Variants in SGCZ observed in about 807,000 individuals in gnomAD.
SGCZ encodes sarcoglycan zeta, also known as zeta-sarcoglycan.
SGCZ carries 40 observed loss-of-function variants against 41.3 expected under a neutral mutation model. The observed-to-expected ratio is 0.97, with a 90% confidence interval of 0.75 to 1.26. SGCZ has a LOEUF of 1.26. Among genes scored for constraint, SGCZ ranks in the 50% most tolerant of loss-of-function variants. The probability of loss-of-function intolerance (pLI) is 0.00; values close to 1 mark genes in which losing one functional copy is unlikely to be tolerated. For missense variants in SGCZ, 552 were observed against 369.8 expected, an observed-to-expected ratio of 1.49 and a Z score of -4.04; for synonymous variants, 206 against 137.5, an observed-to-expected ratio of 1.50 and a Z score of -3.49.
At chr8:15,008,623 T>A (rs112480283) in intron 1 of SGCZ, among the ~76,000 whole-genome samples, 1 of 25,754 alleles carries the variant, frequency 3.9e-5, no homozygotes, top group Non-Finnish European at 6.8e-5. Context: ...GATGGACGGA[T>A]GGGAGGGAAG....
intron 5 of SGCZ, among the ~76,000 whole-genome samples, chr8:14,117,205 T>C (rs1802550178): frequency 6.6e-6 from 1 of 152,140 alleles, no homozygotes; most frequent in Non-Finnish European, 1.5e-5. Flanking sequence ...CCTGCTGATA[T>C]AAATGGGCCT....
At chr8:14,163,863 T>C (rs1282453993) in intron 5 of SGCZ, among the ~76,000 whole-genome samples, 2 of 152,190 alleles carry the variant, frequency 1.3e-5, no homozygotes, top group African/African-American at 4.8e-5. Context: ...TATTATTTTC[T>C]TCTTGTTTTT....
intron 1 of SGCZ, among the ~76,000 whole-genome samples, chr8:14,943,897 A>C (rs1800358957): frequency 6.6e-6 from 1 of 152,142 alleles, no homozygotes; most frequent in Non-Finnish European, 1.5e-5. Context: ...ATGTTACTGC[A>C]AAGGACGTAA....
At chr8:14,983,774 G>A (rs1801745534) in intron 1 of SGCZ, among the ~76,000 whole-genome samples, 1 of 152,100 alleles carries the variant, frequency 6.6e-6, no homozygotes, top group Non-Finnish European at 1.5e-5. Context: ...GCAAAGGAGG[G>A]TACTGGGCCC....
chr8:14,658,304 T>C (rs1807638877), intron 1 of SGCZ, among the ~76,000 whole-genome samples: 1 of 152,206 alleles, frequency 6.6e-6, no homozygotes, highest in African/African-American at 2.4e-5. Context: ...GGGATATTGC[T>C]TCACCTGGAT....
intron 2 of SGCZ, among the ~76,000 whole-genome samples, chr8:14,513,389 G>C (rs1802521102): frequency 6.6e-6 from 1 of 151,976 alleles, no homozygotes; most frequent in Admixed American, 6.6e-5. Context: ...ATACTGTTGT[G>C]TTAGAGAAAA....
chr8:14,882,836 G>T (rs1321743212), intron 1 of SGCZ, among the ~76,000 whole-genome samples: 1 of 151,790 alleles, frequency 6.6e-6, no homozygotes, highest in Admixed American at 6.6e-5. Context: ...AGCATCATTT[G>T]GATCCACTGA....
At chr8:15,215,634 C>A (rs189893105) in intron 1 of SGCZ, among the ~76,000 whole-genome samples, 2 of 152,112 alleles carry the variant, frequency 1.3e-5, no homozygotes, top group African/African-American at 4.8e-5. Context: ...GAAGTAAATA[C>A]AATCTTTCCT....
chr8:14,907,065 G>A (rs555827382), intron 1 of SGCZ, among the ~76,000 whole-genome samples: 3 of 152,252 alleles, frequency 2.0e-5, no homozygotes, highest in African/African-American at 4.8e-5. Context: ...AAAGCATGGT[G>A]CTAGTTTTAT....
intron 1 of SGCZ, among the ~76,000 whole-genome samples, chr8:14,752,996 G>C (rs375764328): frequency 2.6e-4 from 40 of 152,216 alleles, no homozygotes; most frequent in African/African-American, 9.4e-4. Flanking sequence ...CAATTGGTCT[G>C]TTTTCATTCT....
At chr8:14,272,349 G>A (rs1321903226) in intron 3 of SGCZ, among the ~76,000 whole-genome samples, 1 of 152,176 alleles carries the variant, frequency 6.6e-6, no homozygotes, top group African/African-American at 2.4e-5. Context: ...TCCATACAGG[G>A]TGACTATATG....
rs183936522 is a variant in SGCZ at position 14,214,193 on chromosome 8, T to G, written c.424+23399A>C. ...CCCAGAACACATTACTTCAGTGTAA[T>G]TATCAGAAAAATGTCAGACAAATCC... On this transcript the variant is annotated intron_variant, in intron 4 of 7. Transcript: ENST00000382080. 6.8e-4 allele frequency among the ~76,000 whole-genome samples: 103 copies of G among 152,248 alleles called. No individual in the cohort carries two copies. In the East Asian group the frequency reaches 7.5e-3, roughly 11 times the overall value.
intron 2 of SGCZ, among the ~76,000 whole-genome samples, chr8:14,416,021 T>A (rs1046833400): frequency 6.6e-6 from 1 of 151,976 alleles, no homozygotes; most frequent in Non-Finnish European, 1.5e-5. Flanking sequence ...TCACCAGAAA[T>A]AGCCTGTGAG....
chr8:14,235,927 C>T (rs1292511223), intron 4 of SGCZ, among the ~76,000 whole-genome samples: 1 of 152,182 alleles, frequency 6.6e-6, no homozygotes, highest in African/African-American at 2.4e-5. Context: ...TCATGATCCG[C>T]CCGCCTTGGC....
intron 1 of SGCZ, among the ~76,000 whole-genome samples, chr8:14,648,934 A>G (rs1325159055): frequency 6.6e-6 from 1 of 152,112 alleles, no homozygotes; most frequent in Non-Finnish European, 1.5e-5. Context: ...ATCTGGGATT[A>G]TTGGAGTTTG....
At chr8:14,790,826 T>A (rs1800926407) in intron 1 of SGCZ, among the ~76,000 whole-genome samples, 1 of 151,754 alleles carries the variant, frequency 6.6e-6, no homozygotes, top group Admixed American at 6.6e-5. Context: ...AGGTCAGGAG[T>A]TGGAGACCAA....
At chr8:14,583,510 T>C (rs981256106) in intron 1 of SGCZ, among the ~76,000 whole-genome samples, 3 of 152,032 alleles carry the variant, frequency 2.0e-5, no homozygotes, top group Non-Finnish European at 4.4e-5. Flanking sequence ...TTTAGTTTAA[T>C]TAGATCCAAT....
intron 1 of SGCZ, among the ~76,000 whole-genome samples, chr8:15,125,547 T>G (rs1373821489): frequency 6.6e-6 from 1 of 152,208 alleles, no homozygotes; most frequent in Admixed American, 6.5e-5. Context: ...CTTACTAGCT[T>G]TCGATTTGCA....
intron 2 of SGCZ, among the ~76,000 whole-genome samples, chr8:14,362,127 G>C (rs571029902): frequency 2.6e-5 from 4 of 152,158 alleles, no homozygotes; most frequent in African/African-American, 4.8e-5. Context: ...CTCCCAGTCA[G>C]GCTACACGTG....
Sources: gnomAD v4.1 joint callset for allele counts (sites outside exome capture counted in the v4.1 genomes callset) on GRCh38, gnomAD v4.1.1 for gene constraint, MANE v1.5 for transcripts, NCBI Gene and HGNC (gene_info 2026-07-23, HGNC 2026-07-21) for gene names.